Variants in GDA observed in about 807,000 individuals in gnomAD.
GDA encodes guanine deaminase.
GDA carries 18 observed loss-of-function variants against 59.6 expected under a neutral mutation model. The ratio of observed to expected loss-of-function variants is 0.30; its 90% CI spans 0.21 to 0.45. GDA has a LOEUF of 0.45. GDA is among the 20% of genes least tolerant of loss of function. GDA has a pLI of 1.00. For missense variants in GDA, 427 were observed against 552.3 expected (o/e 0.77, Z 2.27); for synonymous variants, 201 against 201.1 (o/e 1.00, Z 0.00).
At position 72,149,610 on chromosome 9, in the gene GDA, C is replaced by G; in HGVS notation, c.51C>G (p.Phe17Leu). ...PPLAHIFRGT[F>L]VHSTWTCPME... Reference sequence around the variant, plus strand: ...TGGCGCACATCTTCCGAGGGACGTTCGTCCACTCCACCTGGACCTGCCCCA... The same window carrying G: ...TGGCGCACATCTTCCGAGGGACGTTGGTCCACTCCACCTGGACCTGCCCCA... Residue 17 changes from phenylalanine (F) to leucine (L), a missense_variant, in exon 1 of 14, where the codon TTC becomes TTG. Transcript: ENST00000358399. 1 of 1,611,524 alleles carries G rather than the reference C, an allele frequency of 6.2e-7. No individual in the cohort carries two copies. The highest frequency in any genetic ancestry group is 1.1e-5 in the South Asian group (1 of 91,006).
At chr9:72,235,833 TA>T (rs1306286963) in intron 10 of GDA, among the ~76,000 whole-genome samples, 1 of 151,852 alleles carries the variant, frequency 6.6e-6, no homozygotes, top group Non-Finnish European at 1.5e-5. Flanking sequence ...AAAAAAACCA[TA>T]AAAACAAAGA....
chr9:72,142,532 C>A (rs527578537), intron 1 of GDA, among the ~76,000 whole-genome samples: 85 of 150,692 alleles, frequency 5.6e-4, no homozygotes, highest in African/African-American at 1.9e-3. Context: ...GAGATCGTGC[C>A]ACTGAACTCC....
At position 72,248,299 on chromosome 9, in the gene GDA, A is replaced by T; in HGVS notation, c.1322A>T (p.Tyr441Phe). 1 of 1,613,120 alleles carries T rather than the reference A, an allele frequency of 6.2e-7. No individual in the cohort carries two copies. Among genetic ancestry groups the T allele is most frequent in the South Asian group, 1.1e-5 (1 of 91,070 alleles). The change falls in exon 14 of 14, where the codon TAT (tyrosine) becomes TTT (phenylalanine). Residue 441 changes from tyrosine to phenylalanine, a missense_variant. Coordinates refer to ENST00000358399, the MANE Select transcript of GDA (RefSeq NM_004293.5). Reference sequence around the variant, plus strand: ...GATGATCGAAATATTGAAGAGGTTTATGTGGGCGGAAAGCAGGTGGTTCCG... The same window carrying T: ...GATGATCGAAATATTGAAGAGGTTTTTGTGGGCGGAAAGCAGGTGGTTCCG... ...LGDDRNIEEVYVGGKQVVPFS... is the reference protein window; with the variant it reads ...LGDDRNIEEVFVGGKQVVPFS...
chr9:72,211,416 G>T (rs941559913), intron 4 of GDA, among the ~76,000 whole-genome samples: 2 of 152,224 alleles, frequency 1.3e-5, no homozygotes, highest in African/African-American at 4.8e-5. Context: ...AACATGCCCA[G>T]GGTTGCACAG....
intron 5 of GDA, among the ~76,000 whole-genome samples, chr9:72,217,595 C>T (rs918432083): frequency 6.6e-6 from 1 of 152,174 alleles, no homozygotes; most frequent in Non-Finnish European, 1.5e-5. Flanking sequence ...CAGGAACTTG[C>T]TATAGGAGTC....
intron 1 of GDA, among the ~76,000 whole-genome samples, chr9:72,163,404 A>G (rs1417616874): frequency 6.6e-6 from 1 of 152,218 alleles, no homozygotes; most frequent in Non-Finnish European, 1.5e-5. Context: ...GAAATGTTAC[A>G]TATTGCTCTT....
At chr9:72,217,333 G>A (rs1187615771) in intron 5 of GDA, among the ~76,000 whole-genome samples, 4 of 152,152 alleles carry the variant, frequency 2.6e-5, no homozygotes, top group Non-Finnish European at 5.9e-5. Flanking sequence ...ATTTTCTCCT[G>A]TGGTACAGTA....
chr9:72,158,983 G>T (rs908073723), intron 1 of GDA, among the ~76,000 whole-genome samples: 5 of 152,112 alleles, frequency 3.3e-5, no homozygotes, highest in Admixed American at 3.3e-4. Flanking sequence ...GCAAAGGCAA[G>T]ACTCAGAGCC....
At chr9:72,120,290 C>A (rs377500753) in intron 1 of GDA, among the ~76,000 whole-genome samples, 1 of 151,610 alleles carries the variant, frequency 6.6e-6, no homozygotes, top group Non-Finnish European at 1.5e-5. Context: ...TGGGTTCAAG[C>A]GATTCTCCTG....
intron 1 of GDA, among the ~76,000 whole-genome samples, chr9:72,141,955 T>C (rs1262110822): frequency 2.6e-5 from 4 of 152,174 alleles, no homozygotes; most frequent in African/African-American, 9.7e-5. Flanking sequence ...TCTACTTCAA[T>C]ATTGATCAAC....
downstream of GDA, among the ~76,000 whole-genome samples, chr9:72,254,853 G>A (rs1374901052): frequency 2.0e-5 from 3 of 152,132 alleles, no homozygotes; most frequent in Non-Finnish European, 4.4e-5. Flanking sequence ...AAATGGCCTT[G>A]GTGATTTTTG....
intron 1 of GDA, among the ~76,000 whole-genome samples, chr9:72,124,661 A>C (rs1825783830): frequency 6.6e-6 from 1 of 152,190 alleles, no homozygotes; most frequent in South Asian, 2.1e-4. Context: ...CCACTAAATA[A>C]GCTCCTTGAA....
chr9:72,249,883 T>C lies in GDA; in HGVS notation c.*1541T>C. 4 of 973,570 alleles carry C rather than the reference T, an allele frequency of 4.1e-6. No homozygotes were observed. The highest frequency in any genetic ancestry group is 1.1e-3 in the Middle Eastern group (2 of 1,890). 60.3% of individuals were successfully genotyped at this position (973,570 alleles called of 1,614,324 possible). A position where few individuals can be genotyped will look rare whatever the true frequency, so the allele number is the denominator to read the frequency against. ...CTGTAGTATAAATTTTATTTTCACATACTTAGCTAATTTAGCAGTAATTGG... is the reference window on the plus strand; with the variant it reads ...CTGTAGTATAAATTTTATTTTCACACACTTAGCTAATTTAGCAGTAATTGG... On this transcript the variant is annotated 3_prime_UTR_variant, in exon 14 of 14. Coordinates refer to ENST00000358399, the MANE Select transcript of GDA (RefSeq NM_004293.5).
At chr9:72,212,387 CAGG>C (rs1835495025) in intron 4 of GDA, among the ~76,000 whole-genome samples, 1 of 151,780 alleles carries the variant, frequency 6.6e-6, no homozygotes, top group South Asian at 2.1e-4. Context: ...GAGGCTGAGG[CAGG>C]AGAATGACGT....
intron 11 of GDA, among the ~76,000 whole-genome samples, chr9:72,244,257 C>T (rs1587795864): frequency 6.6e-6 from 1 of 151,964 alleles, no homozygotes; most frequent in East Asian, 1.9e-4. Flanking sequence ...CATTTGTGAC[C>T]CCAGTTTACA....
Position 72,250,414 on chromosome 9 carries a change from C to T in GDA, c.*2072C>T. 1 of 1,181,840 alleles carries T rather than the reference C, an allele frequency of 8.5e-7. No individual in the cohort carries two copies. The highest frequency in any genetic ancestry group is 1.1e-6 in the Non-Finnish European group (1 of 948,466). The allele number at this position is 1,181,840 out of a possible 1,614,324, so 73.2% of individuals were successfully genotyped here. ...AGCAGTAGGAATGGCCGTATACAACCATCCTGTTAAACATTTAAATTTAGC... is the reference window on the plus strand; with the variant it reads ...AGCAGTAGGAATGGCCGTATACAACTATCCTGTTAAACATTTAAATTTAGC... On this transcript the variant is annotated 3_prime_UTR_variant, in exon 14 of 14. Transcript: ENST00000358399.
downstream of GDA, chr9:72,257,078 G>C (rs1184277692): frequency 9.8e-5 from 15 of 152,288 alleles, no homozygotes; most frequent in Admixed American, 9.8e-4. Context: ...ACTGCACCCA[G>C]CCAATTGGAG....
Position 72,249,283 on chromosome 9 carries a change from CA to C in GDA, c.*942del. 1 of 985,300 alleles carries C rather than the reference CA, an allele frequency of 1.0e-6. No individual in the cohort carries two copies. The highest frequency in any genetic ancestry group is 1.2e-6 in the Non-Finnish European group (1 of 829,842). The allele number at this position is 985,300 out of a possible 1,614,324, so 61.0% of individuals were successfully genotyped here. ...ATACTAACAGGACAGGTTCCATTGC[CA>C]TGGCCTATTCCACCCAAACAATATG... is the stretch of plus-strand genomic sequence containing the variant. On this transcript the variant is annotated 3_prime_UTR_variant, in exon 14 of 14. Transcript: ENST00000358399.
chr9:72,200,152 C>T (rs12555257), intron 2 of GDA, among the ~76,000 whole-genome samples: 1 of 151,960 alleles, frequency 6.6e-6, no homozygotes, highest in Admixed American at 6.6e-5. Context: ...CGCCTGCCAC[C>T]ACGCCTGGCT....
Sources: gnomAD v4.1 joint callset for allele counts (sites outside exome capture counted in the v4.1 genomes callset) on GRCh38, gnomAD v4.1.1 for gene constraint, MANE v1.5 for transcripts, NCBI Gene and HGNC (gene_info 2026-07-23, HGNC 2026-07-21) for gene names.